Variants in PALM2AKAP2 observed in about 807,000 individuals in gnomAD.
PALM2AKAP2 encodes the protein PALM2-AKAP2 fusion protein.
Under a neutral mutation model 71.5 loss-of-function variants are expected in PALM2AKAP2, and 37 were observed. That is an observed-to-expected ratio of 0.52 (90% confidence interval 0.40 to 0.68). The LOEUF is 0.68. Ranked by LOEUF, PALM2AKAP2 falls within the 30% of genes least tolerant of loss-of-function variation. The pLI is 0.00. For missense variants in PALM2AKAP2, 1,224 were observed against 1,191.8 expected (o/e 1.03, Z -0.40); for synonymous variants, 468 against 478.8 (o/e 0.98, Z 0.29).
chr9:109,795,389 T>G lies in PALM2AKAP2; in HGVS notation c.45+14856T>G, dbSNP rs1437351775. The stretch of plus-strand genomic sequence containing the variant: ...GGATTAATTTCTTTAAATGTCAAAG[T>G]CTTTTTTATTTTCTAGAATCCCTCA... On this transcript the variant is annotated intron_variant, in intron 1 of 9. Coordinates refer to the PALM2AKAP2 transcript ENST00000302798. 2.0e-5 allele frequency among the ~76,000 whole-genome samples: 3 copies of G among 152,252 alleles called. No individual in the cohort carries two copies. In the South Asian group the frequency reaches 6.2e-4, roughly 31 times the overall value.
intron 1 of PALM2AKAP2, among the ~76,000 whole-genome samples, chr9:109,800,054 A>G (rs1322370870): frequency 6.6e-6 from 1 of 152,196 alleles, no homozygotes; most frequent in Non-Finnish European, 1.5e-5. Context: ...ATTGCCTGCC[A>G]TACAGAATGT....
intron 1 of PALM2AKAP2, among the ~76,000 whole-genome samples, chr9:109,824,526 G>T (rs534597697): frequency 3.9e-4 from 60 of 152,298 alleles, no homozygotes; most frequent in African/African-American, 1.4e-3. Flanking sequence ...CTTTCACAGA[G>T]CATATTAGCA....
chr9:109,979,316 C>G (rs1425931862), intron 6 of PALM2AKAP2, among the ~76,000 whole-genome samples: 1 of 152,132 alleles, frequency 6.6e-6, no homozygotes, highest in Non-Finnish European at 1.5e-5. Context: ...TTCTAAGAGT[C>G]TAGCCATGAG....
chr9:109,929,169 G>GTTTTT (rs35064231), intron 5 of PALM2AKAP2, among the ~76,000 whole-genome samples: 3 of 137,800 alleles, frequency 2.2e-5, no homozygotes, highest in Admixed American at 7.2e-5. Context: ...TCTGTAAGTA[G>GTTTTT]TTTTTTTTTT....
At chr9:110,122,760 G>A (rs1293911324) in intron 1 of PALM2AKAP2, among the ~76,000 whole-genome samples, 2 of 152,168 alleles carry the variant, frequency 1.3e-5, no homozygotes, top group Non-Finnish European at 2.9e-5. Flanking sequence ...CCAGGGCAAG[G>A]CACCCTCAGA....
At chr9:109,778,780 T>G (rs1447447302), upstream of PALM2AKAP2, among the ~76,000 whole-genome samples, 1 of 151,810 alleles carries the variant, frequency 6.6e-6, no homozygotes, top group African/African-American at 2.4e-5. Context: ...TTTTTTTTTT[T>G]TTTTTGAGAC....
At chr9:109,913,390 G>A (rs1214711079) in intron 3 of PALM2AKAP2, among the ~76,000 whole-genome samples, 1 of 152,206 alleles carries the variant, frequency 6.6e-6, no homozygotes, top group East Asian at 1.9e-4. Context: ...CCAAAGAGAT[G>A]CTAAGACATG....
chr9:109,726,196 C>T (rs1828473861), intron 1 of PALM2AKAP2, among the ~76,000 whole-genome samples: 1 of 152,204 alleles, frequency 6.6e-6, no homozygotes. Flanking sequence ...TGAGCATAGA[C>T]ATATGACCTG....
At chr9:110,063,208 C>T (rs918702654) in intron 1 of PALM2AKAP2, among the ~76,000 whole-genome samples, 4 of 152,094 alleles carry the variant, frequency 2.6e-5, no homozygotes, top group Non-Finnish European at 4.4e-5. Context: ...CATCTGTCTC[C>T]CAGGCATGTT....
At chr9:109,979,201 C>T (rs1225993792) in intron 6 of PALM2AKAP2, among the ~76,000 whole-genome samples, 1 of 152,156 alleles carries the variant, frequency 6.6e-6, no homozygotes, top group Admixed American at 6.5e-5. Flanking sequence ...CCATGTTGGC[C>T]AGGCTGGTCT....
At chr9:109,770,428 A>G (rs1829242356) in intron 1 of PALM2AKAP2, among the ~76,000 whole-genome samples, 2 of 152,126 alleles carry the variant, frequency 1.3e-5, no homozygotes, top group Non-Finnish European at 2.9e-5. Context: ...GATTCTGTGA[A>G]CTCTTCTCCC....
chr9:109,705,804 T>G (rs1245913726), intron 1 of PALM2AKAP2, among the ~76,000 whole-genome samples: 4 of 152,242 alleles, frequency 2.6e-5, no homozygotes, highest in African/African-American at 9.6e-5. Context: ...TTAACCTAGT[T>G]GAATTATTTA....
chr9:109,976,380 T>C (rs538133807), intron 6 of PALM2AKAP2, among the ~76,000 whole-genome samples: 1 of 152,260 alleles, frequency 6.6e-6, no homozygotes, highest in Admixed American at 6.5e-5. Flanking sequence ...TTTCCCAAGA[T>C]CAAACAAGTA....
At chr9:109,975,916 C>A (rs1490786683) in intron 6 of PALM2AKAP2, among the ~76,000 whole-genome samples, 5 of 152,338 alleles carry the variant, frequency 3.3e-5, no homozygotes, top group Non-Finnish European at 4.4e-5. Context: ...ATGTCCCATG[C>A]CCCATGCCTC....
chr9:109,742,650 T>C (rs1479292372), intron 1 of PALM2AKAP2, among the ~76,000 whole-genome samples: 2 of 152,194 alleles, frequency 1.3e-5, no homozygotes, highest in Non-Finnish European at 2.9e-5. Context: ...TCATTGATAA[T>C]GTACATGCAG....
intron 6 of PALM2AKAP2, among the ~76,000 whole-genome samples, chr9:109,984,734 G>T (rs1263718504): frequency 1.3e-5 from 2 of 148,898 alleles, no homozygotes; most frequent in Non-Finnish European, 3.0e-5. Context: ...TCAGCTGGGT[G>T]TGGTGGAGTG....
At chr9:110,135,325 G>A (rs1024179003) in intron 1 of PALM2AKAP2, among the ~76,000 whole-genome samples, 1,222 of 17,860 alleles carry the variant, frequency 0.068, 12 homozygotes, top group African/African-American at 0.11. Context: ...AAAAAAAAAA[G>A]CCCTCAAGAC....
intron 1 of PALM2AKAP2, among the ~76,000 whole-genome samples, chr9:110,131,032 TG>T (rs1389066761): frequency 6.6e-6 from 1 of 152,214 alleles, no homozygotes; most frequent in African/African-American, 2.4e-5. Context: ...CTGTGGGGCG[TG>T]GGATCTCTCA....
intron 6 of PALM2AKAP2, among the ~76,000 whole-genome samples, chr9:109,951,325 C>T (rs1418204149): frequency 6.6e-6 from 1 of 152,206 alleles, no homozygotes; most frequent in East Asian, 1.9e-4. Flanking sequence ...CTGAAGTGTA[C>T]TTTGACTGTT....
Sources: gnomAD v4.1 joint callset for allele counts (sites outside exome capture counted in the v4.1 genomes callset) on GRCh38, gnomAD v4.1.1 for gene constraint, MANE v1.5 for transcripts, NCBI Gene and HGNC (gene_info 2026-07-23, HGNC 2026-07-21) for gene names.